Variants in CSMD1 observed in about 807,000 individuals in gnomAD.
The protein encoded by CSMD1 is CUB and sushi domain-containing protein 1.
Under a neutral mutation model 417.5 loss-of-function variants are expected in CSMD1, and 213 were observed. The ratio of observed to expected loss-of-function variants is 0.51; its 90% CI spans 0.46 to 0.57. The LOEUF (loss-of-function observed/expected upper bound fraction) is 0.57. CSMD1 is among the 20% of genes least tolerant of loss of function. The probability of loss-of-function intolerance (pLI) is 0.00; values close to 1 mark genes in which losing one functional copy is unlikely to be tolerated. For synonymous variants in CSMD1, 2,862 were observed against 1,736.8 expected (o/e 1.65, Z -16.11); for missense variants, 6,923 against 4,529.7 (o/e 1.53, Z -15.17).
At chr8:3,865,475 G>C (rs1404990108) in intron 5 of CSMD1, among the ~76,000 whole-genome samples, 2 of 152,058 alleles carry the variant, frequency 1.3e-5, no homozygotes, top group South Asian at 2.1e-4. Context: ...AGAGATGGGA[G>C]GTGCTCTGGG....
intron 56 of CSMD1, 47 bp downstream of exon 56, chr8:2,974,379 ATTATTTGAAATCACTATTTGAAAAG>A: frequency 2.3e-6 from 3 of 1,306,030 alleles, no homozygotes; most frequent in Admixed American, 2.6e-5. Context: ...GTAAATCATC[ATTATTTGAAATCACTATTTGAAAAG>A]TTATTTGAAA....
At chr8:4,736,395 G>C (rs532903544) in intron 1 of CSMD1, among the ~76,000 whole-genome samples, 5 of 152,136 alleles carry the variant, frequency 3.3e-5, no homozygotes, top group Non-Finnish European at 1.5e-5. Flanking sequence ...GAGAGAGAGA[G>C]AGAGCAATGA....
At chr8:3,981,828 C>G (rs971122838) in intron 5 of CSMD1, among the ~76,000 whole-genome samples, 2 of 152,144 alleles carry the variant, frequency 1.3e-5, no homozygotes, top group African/African-American at 2.4e-5. Flanking sequence ...TTCAGTGAGT[C>G]AGCAGGAGGG....
At chr8:4,081,585 T>C (rs944755983) in intron 3 of CSMD1, among the ~76,000 whole-genome samples, 1 of 152,246 alleles carries the variant, frequency 6.6e-6, no homozygotes, top group Non-Finnish European at 1.5e-5. Context: ...CAGAACACTA[T>C]ACCCAACCAC....
chr8:4,537,609 G>A (rs1046382014), intron 2 of CSMD1, among the ~76,000 whole-genome samples: 1 of 152,130 alleles, frequency 6.6e-6, no homozygotes, highest in African/African-American at 2.4e-5. Context: ...CGGACCTACT[G>A]TTATCTGACA....
intron 30 of CSMD1, among the ~76,000 whole-genome samples, chr8:3,212,283 T>C (rs1329955289): frequency 1.3e-5 from 2 of 152,146 alleles, no homozygotes; most frequent in Admixed American, 6.5e-5. Context: ...GACTACACTA[T>C]CAGAATTTTT....
intron 57 of CSMD1, among the ~76,000 whole-genome samples, chr8:2,969,965 T>G (rs1014085498): frequency 4.6e-5 from 7 of 152,204 alleles, no homozygotes; most frequent in Non-Finnish European, 8.8e-5. Context: ...GCATGATATA[T>G]TTGAGAAATA....
chr8:3,595,653 A>C (rs900521140), intron 8 of CSMD1, among the ~76,000 whole-genome samples: 1 of 152,186 alleles, frequency 6.6e-6, no homozygotes, highest in East Asian at 1.9e-4. Flanking sequence ...TCCAGCTGTG[A>C]CTAGCTCTCA....
intron 7 of CSMD1, among the ~76,000 whole-genome samples, chr8:3,658,926 C>T (rs1296719933): frequency 1.3e-5 from 2 of 152,146 alleles, no homozygotes; most frequent in African/African-American, 4.8e-5. Context: ...TCTTGACCTA[C>T]CAAATAATGC....
intron 5 of CSMD1, among the ~76,000 whole-genome samples, chr8:3,962,990 G>T (rs1001510593): frequency 6.6e-6 from 1 of 152,138 alleles, no homozygotes; most frequent in African/African-American, 2.4e-5. Context: ...AGGCTGGAGT[G>T]CGGTGGAGCA....
chr8:2,953,184 G>C (rs1049887637), intron 65 of CSMD1, among the ~76,000 whole-genome samples: 2 of 152,120 alleles, frequency 1.3e-5, no homozygotes. Context: ...CCTGGATAAA[G>C]AGCACTGACT....
chr8:3,658,352 T>A (rs989333926), intron 7 of CSMD1, among the ~76,000 whole-genome samples: 1 of 151,712 alleles, frequency 6.6e-6, no homozygotes, highest in African/African-American at 2.4e-5. Flanking sequence ...TTTAAATACA[T>A]CTTTGTAATA....
intron 3 of CSMD1, among the ~76,000 whole-genome samples, chr8:4,290,315 G>A (rs559856332): frequency 1.3e-5 from 2 of 152,026 alleles, no homozygotes; most frequent in African/African-American, 4.8e-5. Context: ...AATTTCAGAT[G>A]GTCGTGTTTG....
In CSMD1 at chr8:3,310,797, A is replaced by ACAGCACCCAG. The variant is rs1370272988; in HGVS notation, c.3632-2304_3632-2295dup. Among the ~76,000 whole-genome samples, 3 of 82,114 alleles carry ACAGCACCCAG rather than the reference A, an allele frequency of 3.7e-5. No homozygotes were observed. In the East Asian group the frequency reaches 1.6e-3, roughly 44 times the overall value. 53.9% of individuals were successfully genotyped at this position (82,114 alleles called of 152,430 possible). A position where few individuals can be genotyped will look rare whatever the true frequency, so the allele number is the denominator to read the frequency against. On this transcript the variant is annotated intron_variant, in intron 23 of 69. Coordinates refer to ENST00000635120, the MANE Select transcript of CSMD1 (RefSeq NM_033225.6). ...GCCAGGAAACTGTGGGGTTCTGCAC[A>ACAGCACCCAG]CAGCACCCAGGAGGTATCCACCTTA... is the stretch of plus-strand genomic sequence containing the variant.
intron 10 of CSMD1, among the ~76,000 whole-genome samples, chr8:3,497,110 T>G (rs1297796025): frequency 6.6e-6 from 1 of 152,206 alleles, no homozygotes; most frequent in African/African-American, 2.4e-5. Flanking sequence ...GAGAAAAATG[T>G]GTATTATGCA....
intron 3 of CSMD1, among the ~76,000 whole-genome samples, chr8:4,237,199 C>T (rs1216231863): frequency 6.6e-6 from 1 of 152,192 alleles, no homozygotes; most frequent in Non-Finnish European, 1.5e-5. Flanking sequence ...TTTGCACCAA[C>T]TTTGCAAATC....
At chr8:4,135,527 A>C (rs1803376773) in intron 3 of CSMD1, among the ~76,000 whole-genome samples, 1 of 152,128 alleles carries the variant, frequency 6.6e-6, no homozygotes, top group Non-Finnish European at 1.5e-5. Flanking sequence ...CCTGAGAAAA[A>C]ACAGTTATGT....
At chr8:4,118,090 A>G (rs1238523171) in intron 3 of CSMD1, among the ~76,000 whole-genome samples, 1 of 152,140 alleles carries the variant, frequency 6.6e-6, no homozygotes, top group South Asian at 2.1e-4. Context: ...TAGACAAATT[A>G]TAAGGCTTGT....
At chr8:4,752,729 G>A (rs192195185) in intron 1 of CSMD1, among the ~76,000 whole-genome samples, 73 of 152,282 alleles carry the variant, frequency 4.8e-4, no homozygotes, top group African/African-American at 1.6e-3. Context: ...CAACGAAAAA[G>A]TTGCTTCTTG....
Sources: allele counts gnomAD v4.1 joint callset (sites outside exome capture counted in the v4.1 genomes callset), GRCh38; gene constraint gnomAD v4.1.1; transcripts MANE v1.5; gene names NCBI Gene and HGNC (gene_info 2026-07-23, HGNC 2026-07-21).